Variants in THSD7B observed in about 807,000 individuals in gnomAD.
THSD7B encodes the protein thrombospondin type-1 domain-containing protein 7B.
In THSD7B, 138 loss-of-function variants were observed where a neutral mutation model predicts 213.6. That is an observed-to-expected ratio of 0.65 (90% CI 0.56 to 0.74). THSD7B has a LOEUF of 0.74. Ranked by LOEUF, THSD7B falls within the 30% of genes least tolerant of loss-of-function variation. The probability of loss-of-function intolerance (pLI) is 0.00; values close to 1 mark genes in which losing one functional copy is unlikely to be tolerated. For synonymous variants in THSD7B, 742 were observed against 687.0 expected, an observed-to-expected ratio of 1.08 and a Z score of -1.25; for missense variants, 1,931 against 1,991.5, an observed-to-expected ratio of 0.97 and a Z score of 0.58.
At chr2:136,813,773 T>C (rs1357401590) in intron 1 of THSD7B, among the ~76,000 whole-genome samples, 1 of 152,348 alleles carries the variant, frequency 6.6e-6, no homozygotes. Flanking sequence ...TTAATGGAGA[T>C]GATCAAGTTA....
chr2:136,815,959 A>G (rs1682463789), intron 1 of THSD7B, among the ~76,000 whole-genome samples: 1 of 152,058 alleles, frequency 6.6e-6, no homozygotes, highest in Non-Finnish European at 1.5e-5. Flanking sequence ...ATCTCAGCTC[A>G]CTGCAATCTC....
Position 136,890,301 on chromosome 2 carries a change from CTCCTTCTTCT to C in THSD7B, c.139+7987_139+7996del, listed in dbSNP as rs1558839733. 6.1e-3 allele frequency among the ~76,000 whole-genome samples: 3 copies of C among 488 alleles called. 1 individual carries two copies. Among genetic ancestry groups the C allele is most frequent in the African/African-American group, 0.014 (3 of 222 alleles). 0.3% of individuals were successfully genotyped at this position (488 alleles called of 152,430 possible). A position where few individuals can be genotyped will look rare whatever the true frequency, so the allele number is the denominator to read the frequency against. On this transcript the variant is annotated intron_variant, in intron 2 of 27. Transcript: ENST00000409968. ...ATTGCTCATTCATGTCCATGTCCTA[CTCCTTCTTCT>C]TCTTCTTCTTCTTCTTCTTCTTCTT...
At chr2:137,000,022 C>T (rs1685971850) in intron 2 of THSD7B, among the ~76,000 whole-genome samples, 1 of 152,082 alleles carries the variant, frequency 6.6e-6, no homozygotes, top group African/African-American at 2.4e-5. Flanking sequence ...ATTAACACTT[C>T]CCGTCTTTTC....
chr2:137,089,527 G>A (rs139337015), intron 3 of THSD7B, among the ~76,000 whole-genome samples: 1 of 151,902 alleles, frequency 6.6e-6, no homozygotes, highest in African/African-American at 2.4e-5. Context: ...GATGAGATTG[G>A]AGACTATTAC....
In THSD7B at chr2:137,335,410, A is replaced by G. The variant is rs1234485524; in HGVS notation, c.2500+59384A>G. On this transcript the variant is annotated intron_variant, in intron 12 of 27. Coordinates refer to ENST00000409968, the MANE Select transcript of THSD7B (RefSeq NM_001316349.2). ...TCTCATTCCATGAAGGGTTGGTAAAACAACACAGAACAGATTATCAACTGA... is the reference window on the plus strand; with the variant it reads ...TCTCATTCCATGAAGGGTTGGTAAAGCAACACAGAACAGATTATCAACTGA... Among the ~76,000 whole-genome samples, 4 of 152,312 alleles carry G rather than the reference A, an allele frequency of 2.6e-5. No individual in the cohort carries two copies. In the East Asian group the frequency reaches 7.7e-4, roughly 29 times the overall value.
At chr2:136,882,991 T>C (rs1175495392) in intron 2 of THSD7B, among the ~76,000 whole-genome samples, 1 of 152,210 alleles carries the variant, frequency 6.6e-6, no homozygotes, top group Non-Finnish European at 1.5e-5. Flanking sequence ...TTAACTTAAA[T>C]TATGAACCCT....
At chr2:136,970,511 A>G (rs1432362002) in intron 2 of THSD7B, among the ~76,000 whole-genome samples, 1 of 152,114 alleles carries the variant, frequency 6.6e-6, no homozygotes, top group Non-Finnish European at 1.5e-5. Flanking sequence ...GAAAAAGAAG[A>G]GTATAAGAAA....
intron 17 of THSD7B, among the ~76,000 whole-genome samples, chr2:137,575,725 C>CACACATATATAT (rs59620213): frequency 1.4e-4 from 16 of 110,852 alleles, no homozygotes; most frequent in South Asian, 4.1e-4. Context: ...CCATAACACA[C>CACACATATATAT]ATATATATAT....
At chr2:137,278,518 T>G (rs149849484) in intron 12 of THSD7B, among the ~76,000 whole-genome samples, 2 of 152,320 alleles carry the variant, frequency 1.3e-5, no homozygotes, top group African/African-American at 4.8e-5. Flanking sequence ...TAGCATCCTG[T>G]GTCCAGAAGT....
intron 16 of THSD7B, 68 bp from the exon 17 acceptor site, chr2:137,572,338 C>T: frequency 6.5e-7 from 1 of 1,549,334 alleles, no homozygotes; most frequent in Non-Finnish European, 8.8e-7. Flanking sequence ...TATGATACAT[C>T]ATAACTATTT....
At chr2:136,946,045 G>C (rs184859133) in intron 2 of THSD7B, among the ~76,000 whole-genome samples, 1,586 of 152,210 alleles carry the variant, frequency 0.01, 20 homozygotes, top group African/African-American at 0.036. Context: ...GAGGCGCTCT[G>C]GTTTTTAGAA....
intron 2 of THSD7B, among the ~76,000 whole-genome samples, chr2:136,912,558 G>A (rs2105025167): frequency 6.6e-6 from 1 of 152,136 alleles, no homozygotes; most frequent in South Asian, 2.1e-4. Flanking sequence ...GTTTAGCTGT[G>A]CCCCCAGCCA....
At chr2:137,052,570 G>A (rs1026026750) in intron 2 of THSD7B, among the ~76,000 whole-genome samples, 1 of 151,646 alleles carries the variant, frequency 6.6e-6, no homozygotes, top group Non-Finnish European at 1.5e-5. Flanking sequence ...ATAAAAGCAA[G>A]GTTTTTTTGT....
intron 12 of THSD7B, 84 bp from the exon 13 acceptor site, chr2:137,405,528 TG>T: frequency 7.6e-7 from 1 of 1,323,338 alleles, no homozygotes; most frequent in South Asian, 1.6e-5. Flanking sequence ...TTTTAAACAT[TG>T]GGGGATTCTG....
intron 10 of THSD7B, among the ~76,000 whole-genome samples, chr2:137,246,198 C>T (rs1223273873): frequency 8.5e-5 from 13 of 152,184 alleles, no homozygotes; most frequent in South Asian, 2.1e-4. Flanking sequence ...GTGGAAACCT[C>T]GACTAATGAA....
chr2:137,007,027 C>T (rs1392325383), intron 2 of THSD7B, among the ~76,000 whole-genome samples: 2 of 152,236 alleles, frequency 1.3e-5, no homozygotes, highest in Non-Finnish European at 2.9e-5. Context: ...GTGTAGAGGA[C>T]AAGCAAATTA....
chr2:136,780,283 T>C (rs1182842371), intron 1 of THSD7B, among the ~76,000 whole-genome samples: 1 of 151,736 alleles, frequency 6.6e-6, no homozygotes, highest in African/African-American at 2.4e-5. Flanking sequence ...GGCAGAAGAG[T>C]AGAAGAGAGA....
At chr2:136,833,801 T>A (rs946608585) in intron 1 of THSD7B, among the ~76,000 whole-genome samples, 1 of 152,144 alleles carries the variant, frequency 6.6e-6, no homozygotes, top group Non-Finnish European at 1.5e-5. Flanking sequence ...GGGAAGAAGA[T>A]GAAAAAGGTT....
chr2:136,879,792 CA>C (rs1208852514), intron 1 of THSD7B, among the ~76,000 whole-genome samples: 1 of 151,592 alleles, frequency 6.6e-6, no homozygotes, highest in Non-Finnish European at 1.5e-5. Context: ...CAAATGGAAA[CA>C]AAAAAAGTCA....
Sources: allele counts gnomAD v4.1 joint callset (sites outside exome capture counted in the v4.1 genomes callset), GRCh38; gene constraint gnomAD v4.1.1; transcripts MANE v1.5; gene names NCBI Gene and HGNC (gene_info 2026-07-23, HGNC 2026-07-21).